Variants in FAM168B observed in about 807,000 individuals in gnomAD.
FAM168B encodes family with sequence similarity 168 member B, also known as myelin-associated neurite-outgrowth inhibitor.
In FAM168B, 19 loss-of-function variants were observed where a neutral mutation model predicts 21.8. That is an observed-to-expected ratio of 0.87 (90% CI 0.61 to 1.28). FAM168B has a LOEUF of 1.28. Ranked by LOEUF, FAM168B falls within the 50% of genes most tolerant of loss-of-function variation. The pLI is 0.00. For synonymous variants in FAM168B, 126 were observed against 104.8 expected, an observed-to-expected ratio of 1.20 and a Z score of -1.24; for missense variants, 233 against 263.1, an observed-to-expected ratio of 0.89 and a Z score of 0.79.
chr2:131,057,052 A>G (rs1312982915), intron 3 of FAM168B, among the ~76,000 whole-genome samples: 3 of 152,222 alleles, frequency 2.0e-5, no homozygotes, highest in African/African-American at 2.4e-5. Flanking sequence ...AGACCTCCAT[A>G]CAAGTGCTTA....
Position 131,048,523 on chromosome 2 carries a change from A to G in FAM168B, c.*3942T>C, listed in dbSNP as rs1488608538. Reference sequence around the variant, plus strand: ...CCCACAGGCTCTCTCTTCTTCAAATAATGAGTAGGAAAAAGAGACAAACTT... The same window carrying G: ...CCCACAGGCTCTCTCTTCTTCAAATGATGAGTAGGAAAAAGAGACAAACTT... On this transcript the variant is annotated 3_prime_UTR_variant, in exon 7 of 7. Transcript: ENST00000389915. The G allele has an allele frequency of 7.2e-6, 8 of 1,114,400 alleles. No individual in the cohort carries two copies. Among genetic ancestry groups the G allele is most frequent in the Non-Finnish European group, 7.8e-6 (7 of 894,560 alleles). The allele number at this position is 1,114,400 out of a possible 1,614,324, so 69.0% of individuals were successfully genotyped here.
chr2:131,055,185 A>T, intron 5 of FAM168B, 87 bp downstream of exon 5: 1 of 1,279,748 alleles, frequency 7.8e-7, no homozygotes, highest in Non-Finnish European at 1.0e-6. Context: ...GAAAACCTAG[A>T]GCCAAGGGTC....
Position 131,087,647 on chromosome 2 carries a change from A to G in FAM168B, c.-11-4990T>C, listed in dbSNP as rs567827294. On this transcript the variant is annotated intron_variant, in intron 1 of 6. Transcript: ENST00000389915. ...CAGTAATAGATGATTGTGGAGACAC[A>G]GCTTAGGTACAACCACCAAGTGGAG... Among the ~76,000 whole-genome samples, 10 of 152,304 alleles carry G rather than the reference A, an allele frequency of 6.6e-5. No individual in the cohort carries two copies. In the South Asian group the frequency reaches 2.1e-3, roughly 32 times the overall value.
rs556004322 is a variant in FAM168B at position 131,057,723 on chromosome 2, C to T, written c.155-2028G>A. On this transcript the variant is annotated intron_variant, in intron 3 of 6. Coordinates refer to ENST00000389915, the MANE Select transcript of FAM168B (RefSeq NM_001009993.4). ...ATTATGCCTCTGCATTCTGCCTGGG[C>T]GACAAAGTAAGACGCTGTCTCAGAA... 2.4e-3 allele frequency among the ~76,000 whole-genome samples: 371 copies of T among 152,060 alleles called. 1 individual carries two copies. The highest frequency in any genetic ancestry group is 4.2e-3 in the Non-Finnish European group (285 of 67,992).
chr2:131,064,433 A>G (rs1692454954), intron 3 of FAM168B, among the ~76,000 whole-genome samples: 1 of 152,160 alleles, frequency 6.6e-6, no homozygotes, highest in Admixed American at 6.5e-5. Context: ...GCAAAGAAAA[A>G]CCAAGGTTAC....
rs1214534556 is a variant in FAM168B, at chr2:131,050,425, T to G, written c.*2040A>C. On this transcript the variant is annotated 3_prime_UTR_variant, in exon 7 of 7. Transcript: ENST00000389915. ...CCTACTAATCCTGCCAACCATCCAC[T>G]AAACAGATGGAATTACCAACAGAGA... The G allele has an allele frequency of 7.1e-6, 7 of 985,770 alleles. No individual in the cohort carries two copies. In the African/African-American group the frequency reaches 1.0e-4, roughly 15 times the overall value. The allele number at this position is 985,770 out of a possible 1,614,324, so 61.1% of individuals were successfully genotyped here.
At chr2:131,086,076 T>C (rs1452855909) in intron 1 of FAM168B, among the ~76,000 whole-genome samples, 1 of 152,146 alleles carries the variant, frequency 6.6e-6, no homozygotes, top group Non-Finnish European at 1.5e-5. Flanking sequence ...TGTCTTACCC[T>C]ACAGTTTAGG....
At chr2:131,086,865 A>G (rs1693729643) in intron 1 of FAM168B, among the ~76,000 whole-genome samples, 1 of 96,802 alleles carries the variant, frequency 1.0e-5, no homozygotes, top group African/African-American at 8.1e-5. Flanking sequence ...GGAGATCGAG[A>G]CCATCCTGGC....
intron 1 of FAM168B, among the ~76,000 whole-genome samples, chr2:131,083,997 G>C (rs1488126216): frequency 6.6e-6 from 1 of 151,972 alleles, no homozygotes; most frequent in Non-Finnish European, 1.5e-5. Context: ...TTGCCTCCCA[G>C]GTTTAAGTGA....
intron 1 of FAM168B, among the ~76,000 whole-genome samples, chr2:131,089,247 T>A (rs1693883376): frequency 6.7e-6 from 1 of 149,854 alleles, no homozygotes; most frequent in Admixed American, 6.7e-5. Flanking sequence ...ATTACAGGCG[T>A]GAGCCACTGC....
At chr2:131,090,107 C>G (rs1693930477) in intron 1 of FAM168B, among the ~76,000 whole-genome samples, 1 of 135,512 alleles carries the variant, frequency 7.4e-6, no homozygotes. Context: ...ATCACGAGGT[C>G]AGGAGATCGA....
chr2:131,055,770 A>C, intron 3 of FAM168B, 75 bp from the exon 4 acceptor site: 2 of 1,545,694 alleles, frequency 1.3e-6, no homozygotes, highest in Non-Finnish European at 1.7e-6. Context: ...GGCAGGGAGG[A>C]GCTAAGCTGC....
At chr2:131,059,572 C>T (rs1025926562) in intron 3 of FAM168B, among the ~76,000 whole-genome samples, 1 of 152,108 alleles carries the variant, frequency 6.6e-6, no homozygotes, top group South Asian at 2.1e-4. Context: ...CTTATCTGAC[C>T]AAGATGATAT....
chr2:131,048,060 G>C lies in FAM168B; in HGVS notation c.*4405C>G. On this transcript the variant is annotated 3_prime_UTR_variant, in exon 7 of 7. Transcript: ENST00000389915. ...GATGGAAATTCCATTCCTTGGCATG[G>C]ATACGTAAGTTCAATGCAGAGGTGA... The C allele has an allele frequency of 1.8e-6, 1 of 557,416 alleles. No individual in the cohort carries two copies. The highest frequency in any genetic ancestry group is 2.6e-5 in the South Asian group (1 of 37,878). 34.5% of individuals were successfully genotyped at this position (557,416 alleles called of 1,614,324 possible).
chr2:131,090,010 C>A (rs907305403), intron 1 of FAM168B, among the ~76,000 whole-genome samples: 15 of 145,818 alleles, frequency 1.0e-4, no homozygotes, highest in African/African-American at 3.9e-4. Context: ...CCAGCCTGGG[C>A]GACATGGACG....
At chr2:131,066,233 T>C (rs1384502563) in intron 3 of FAM168B, among the ~76,000 whole-genome samples, 1 of 151,198 alleles carries the variant, frequency 6.6e-6, no homozygotes, top group Non-Finnish European at 1.5e-5. Context: ...TGGTGCGATC[T>C]CGATCTCGAC....
intron 1 of FAM168B, among the ~76,000 whole-genome samples, chr2:131,085,174 A>AT: frequency 6.6e-6 from 1 of 152,048 alleles, no homozygotes; most frequent in East Asian, 1.9e-4. Context: ...AAAAAAGTCT[A>AT]TTTTTAGGCT....
At chr2:131,074,438 T>C (rs1693033549) in intron 2 of FAM168B, among the ~76,000 whole-genome samples, 2 of 152,180 alleles carry the variant, frequency 1.3e-5, no homozygotes, top group Non-Finnish European at 2.9e-5. Context: ...GAAAGCGTTC[T>C]TTCTATTTGG....
At chr2:131,055,758 C>A in intron 3 of FAM168B, 63 bp from the exon 4 acceptor site, 2 of 1,575,286 alleles carry the variant, frequency 1.3e-6, no homozygotes, top group Admixed American at 3.7e-5. Flanking sequence ...GGAGAGGACA[C>A]AGGCAGGGAG....
Sources: gnomAD v4.1 joint callset for allele counts (sites outside exome capture counted in the v4.1 genomes callset) on GRCh38, gnomAD v4.1.1 for gene constraint, MANE v1.5 for transcripts, NCBI Gene and HGNC (gene_info 2026-07-23, HGNC 2026-07-21) for gene names.